Variants in HHAT observed in about 807,000 individuals in gnomAD.
The protein encoded by HHAT is hedgehog acyltransferase.
HHAT carries 47 observed loss-of-function variants against 70.8 expected under a neutral mutation model. That is an observed-to-expected ratio of 0.66 (90% CI 0.53 to 0.85). The LOEUF is 0.85. HHAT is among the 40% of genes least tolerant of loss of function. The pLI, the probability that HHAT is intolerant of heterozygous loss-of-function variation, is 0.00. For missense variants in HHAT, 609 were observed against 604.8 expected, an observed-to-expected ratio of 1.01 and a Z score of -0.07; for synonymous variants, 228 against 247.6, an observed-to-expected ratio of 0.92 and a Z score of 0.74.
chr1:210,558,522 A>G (rs947398996), intron 9 of HHAT, among the ~76,000 whole-genome samples: 1 of 152,186 alleles, frequency 6.6e-6, no homozygotes, highest in Non-Finnish European at 1.5e-5. Flanking sequence ...TAATGATTGT[A>G]GAGGGAGCAT....
chr1:210,633,619 T>G (rs781480395), intron 11 of HHAT, among the ~76,000 whole-genome samples: 1 of 151,976 alleles, frequency 6.6e-6, no homozygotes, highest in Non-Finnish European at 1.5e-5. Flanking sequence ...ACTTCATATT[T>G]ATCTTCTCCT....
At chr1:210,510,207 G>T (rs1316751609) in intron 8 of HHAT, among the ~76,000 whole-genome samples, 2 of 152,156 alleles carry the variant, frequency 1.3e-5, no homozygotes, top group Non-Finnish European at 2.9e-5. Context: ...AAGTAGAGGA[G>T]GAGATGGGAG....
Position 210,404,584 on chromosome 1 carries a change from A to C in HHAT, c.589A>C (p.Thr197Pro), listed in dbSNP as rs1327760185. Residue 197 changes from threonine to proline, a missense_variant, in exon 6 of 12, where the codon ACC becomes CCC. By Grantham distance (38) the Thr-to-Pro change is conservative (BLOSUM62 -1). Transcript: ENST00000261458. Reference sequence around the variant, plus strand: ...CTGGCAGCAGCTGCCTGCTGCATCGACCTCCTACTCCTTTCCCTGGATGCT... The same window carrying C: ...CTGGCAGCAGCTGCCTGCTGCATCGCCCTCCTACTCCTTTCCCTGGATGCT... ...LCWQQLPAAS[T>P]SYSFPWMLAY... 6.2e-7 allele frequency: 1 copy of C among 1,613,530 alleles called. No individual in the cohort carries two copies. The highest frequency in any genetic ancestry group is 1.7e-5 in the Admixed American group (1 of 59,960).
At chr1:210,334,253 A>G (rs748752108) in intron 1 of HHAT, among the ~76,000 whole-genome samples, 1 of 141,924 alleles carries the variant, frequency 7.0e-6, no homozygotes, top group Non-Finnish European at 1.5e-5. Flanking sequence ...TGCAGCCTCA[A>G]CTTCCCAGGC....
At chr1:210,357,624 A>G (rs896547230) in intron 2 of HHAT, among the ~76,000 whole-genome samples, 2 of 152,178 alleles carry the variant, frequency 1.3e-5, no homozygotes, top group African/African-American at 2.4e-5. Flanking sequence ...GATCAAGACC[A>G]TCCTGGCTAA....
intron 9 of HHAT, among the ~76,000 whole-genome samples, chr1:210,537,721 G>A (rs939843188): frequency 3.9e-5 from 6 of 152,184 alleles, no homozygotes; most frequent in Non-Finnish European, 8.8e-5. Flanking sequence ...AATACCTGTT[G>A]GAAACTTGAA....
intron 8 of HHAT, among the ~76,000 whole-genome samples, chr1:210,510,040 T>C (rs745352354): frequency 6.6e-6 from 1 of 152,222 alleles, no homozygotes; most frequent in Non-Finnish European, 1.5e-5. Context: ...TAAGAATGGA[T>C]AATTTCCTGG....
At chr1:210,613,204 C>A (rs1460466839) in intron 10 of HHAT, among the ~76,000 whole-genome samples, 2 of 152,138 alleles carry the variant, frequency 1.3e-5, no homozygotes, top group African/African-American at 2.4e-5. Context: ...TCATGAAGGT[C>A]TCCCCCTGTT....
intron 7 of HHAT, among the ~76,000 whole-genome samples, chr1:210,434,245 A>C (rs2093323628): frequency 6.6e-6 from 1 of 151,828 alleles, no homozygotes; most frequent in Non-Finnish European, 1.5e-5. Context: ...GGGAATATAG[A>C]CCAGGGTTGA....
At chr1:210,486,704 T>C (rs962558201) in intron 8 of HHAT, among the ~76,000 whole-genome samples, 3 of 152,192 alleles carry the variant, frequency 2.0e-5, no homozygotes, top group East Asian at 1.9e-4. Flanking sequence ...ACCTTTTCTA[T>C]AGTTTGTATA....
At chr1:210,415,062 C>T (rs1390960042) in intron 6 of HHAT, among the ~76,000 whole-genome samples, 2 of 152,126 alleles carry the variant, frequency 1.3e-5, no homozygotes, top group Admixed American at 1.3e-4. Flanking sequence ...TAAACTCTCA[C>T]CATCCAAAGA....
chr1:210,496,732 A>G (rs1214883711), intron 8 of HHAT, among the ~76,000 whole-genome samples: 1 of 152,228 alleles, frequency 6.6e-6, no homozygotes, highest in Non-Finnish European at 1.5e-5. Context: ...CTCTACACCC[A>G]TGGTTAATTA....
chr1:210,618,845 T>TAC (rs1668273692), intron 10 of HHAT, among the ~76,000 whole-genome samples: 1 of 152,192 alleles, frequency 6.6e-6, no homozygotes, highest in African/African-American at 2.4e-5. Context: ...GATTTGAATA[T>TAC]ACACAGGAAG....
chr1:210,447,597 G>T (rs2093661655), intron 7 of HHAT, among the ~76,000 whole-genome samples: 1 of 152,202 alleles, frequency 6.6e-6, no homozygotes, highest in South Asian at 2.1e-4. Flanking sequence ...GAGGAAAGAT[G>T]TCCTGGTTCA....
chr1:210,647,970 T>G (rs1674413413), intron 11 of HHAT, among the ~76,000 whole-genome samples: 1 of 152,188 alleles, frequency 6.6e-6, no homozygotes, highest in Non-Finnish European at 1.5e-5. Flanking sequence ...TGGCTCCGTT[T>G]TTGGTGCTTA....
At chr1:210,345,987 C>T (rs1255186494) in intron 1 of HHAT, among the ~76,000 whole-genome samples, 1 of 151,664 alleles carries the variant, frequency 6.6e-6, no homozygotes, top group African/African-American at 2.4e-5. Flanking sequence ...TTGCTTGAGC[C>T]TGGGAAGTTG....
chr1:210,343,048 G>A (rs1445715196), intron 1 of HHAT, among the ~76,000 whole-genome samples: 2 of 152,108 alleles, frequency 1.3e-5, no homozygotes, highest in Admixed American at 1.3e-4. Flanking sequence ...TGAGTAAACA[G>A]CAAACTGTTT....
intron 9 of HHAT, among the ~76,000 whole-genome samples, chr1:210,550,674 C>A (rs1035791939): frequency 6.7e-6 from 1 of 148,724 alleles, no homozygotes; most frequent in African/African-American, 2.5e-5. Flanking sequence ...AGAAGTGATG[C>A]CTTTTTTGTT....
intron 9 of HHAT, among the ~76,000 whole-genome samples, chr1:210,533,999 A>G (rs549902863): frequency 1.3e-5 from 2 of 152,312 alleles, no homozygotes; most frequent in African/African-American, 2.4e-5. Context: ...GGAGGCTGGA[A>G]GAGAACATGG....
Sources: allele counts gnomAD v4.1 joint callset (sites outside exome capture counted in the v4.1 genomes callset), GRCh38; gene constraint gnomAD v4.1.1; transcripts MANE v1.5; gene names NCBI Gene and HGNC (gene_info 2026-07-23, HGNC 2026-07-21).